Variants in ADARB2 observed in about 807,000 individuals in gnomAD.
ADARB2 encodes the protein inactive double-stranded RNA-specific editase B2.
A neutral mutation model predicts 62.2 loss-of-function variants in ADARB2; 25 were observed. The observed-to-expected ratio is 0.40, with a 90% CI of 0.29 to 0.56. ADARB2 has a LOEUF of 0.56. Among genes scored for constraint, ADARB2 ranks in the 20% least tolerant of loss-of-function variants. The pLI is 0.43. For missense variants in ADARB2, 1,071 were observed against 1,077.4 expected (o/e 0.99, Z 0.08); for synonymous variants, 572 against 500.8 (o/e 1.14, Z -1.90).
intron 1 of ADARB2, among the ~76,000 whole-genome samples, chr10:1,639,217 G>A (rs1833949864): frequency 6.6e-6 from 1 of 152,186 alleles, no homozygotes; most frequent in Admixed American, 6.5e-5. Context: ...CATCCAGGAA[G>A]CTGACCGCAT....
At chr10:1,397,838 A>G (rs1468853618) in intron 1 of ADARB2, among the ~76,000 whole-genome samples, 27 of 59,820 alleles carry the variant, frequency 4.5e-4, no homozygotes, top group African/African-American at 1.4e-3. Context: ...CTGGGTCACC[A>G]TCAGCCTCTC....
chr10:1,421,292 G>C (rs1182838190), intron 1 of ADARB2, among the ~76,000 whole-genome samples: 2 of 151,814 alleles, frequency 1.3e-5, no homozygotes, highest in Non-Finnish European at 2.9e-5. Context: ...TGGCTGGTCA[G>C]GATCTGCAGG....
intron 1 of ADARB2, among the ~76,000 whole-genome samples, chr10:1,731,924 T>A (rs1306477963): frequency 6.6e-6 from 1 of 152,246 alleles, no homozygotes; most frequent in African/African-American, 2.4e-5. Context: ...AAGTCTTGCT[T>A]ACAATGTGGA....
At chr10:1,727,942 G>A (rs961954335) in intron 1 of ADARB2, among the ~76,000 whole-genome samples, 1 of 152,190 alleles carries the variant, frequency 6.6e-6, no homozygotes, top group Non-Finnish European at 1.5e-5. Flanking sequence ...CACATATAAT[G>A]TTTAAGGCAA....
chr10:1,522,383 T>C (rs139238563), intron 1 of ADARB2, among the ~76,000 whole-genome samples: 119 of 152,056 alleles, frequency 7.8e-4, no homozygotes, highest in African/African-American at 2.7e-3. Context: ...GGCAGGAAAA[T>C]TCGCTGTGGG....
intron 1 of ADARB2, among the ~76,000 whole-genome samples, chr10:1,702,789 G>T (rs1834839265): frequency 1.3e-5 from 2 of 152,196 alleles, no homozygotes; most frequent in South Asian, 4.1e-4. Context: ...ATCTCAGACT[G>T]GCCCTCCTTT....
At position 1,242,277 on chromosome 10, in the gene ADARB2, C is replaced by G; in HGVS notation, c.1215G>C (p.Gln405His). The G allele has an allele frequency of 6.4e-7, 1 of 1,567,668 alleles. No homozygotes were observed. Among genetic ancestry groups the G allele is most frequent in the Non-Finnish European group, 8.6e-7 (1 of 1,158,264 alleles). The change falls in exon 5 of 10, where the codon CAG (glutamine) becomes CAC (histidine). Residue 405 changes from glutamine (Q) to histidine (H), a missense_variant. Transcript: ENST00000381312. ...TGGTCCCCGAGGACAGGGCCACGAC[C>G]TGCGCCTGCCGAGCATCCAGGCCTG... ...MTKGLDARQA[Q>H]VVALSSGTKC...
rs373224724 is a variant in ADARB2 at position 1,278,281 on chromosome 10, CTTTTTTTCTTTTTT to C, written c.1078-7226_1078-7213del. The stretch of plus-strand genomic sequence containing the variant: ...CAGGTGTGAGCCACCACACCCGGTC[CTTTTTTTCTTTTTT>C]TTTTTTTAAGTTTCAACTTATATTT... On this transcript the variant is annotated intron_variant, in intron 3 of 9. Coordinates refer to ENST00000381312, the MANE Select transcript of ADARB2 (RefSeq NM_018702.4). 2.6e-3 allele frequency among the ~76,000 whole-genome samples: 383 copies of C among 148,006 alleles called. 2 individuals carry two copies. The highest frequency in any genetic ancestry group is 9.6e-3 in the African/African-American group (366 of 38,234).
intron 1 of ADARB2, among the ~76,000 whole-genome samples, chr10:1,392,967 A>T (rs1030077820): frequency 1.3e-5 from 2 of 152,006 alleles, no homozygotes; most frequent in African/African-American, 4.8e-5. Context: ...AAAACATACA[A>T]CTCCTAATTT....
At chr10:1,362,826 G>A (rs1348968446) in intron 3 of ADARB2, among the ~76,000 whole-genome samples, 1 of 152,160 alleles carries the variant, frequency 6.6e-6, no homozygotes, top group African/African-American at 2.4e-5. Context: ...CCGGGCAGCC[G>A]CATTGTCACC....
chr10:1,452,593 A>G (rs112394440), intron 1 of ADARB2, among the ~76,000 whole-genome samples: 23,959 of 138,890 alleles, frequency 0.17, 2,304 homozygotes, highest in East Asian at 0.41. Flanking sequence ...GAGCTGAACA[A>G]TGAGAACTCA....
intron 3 of ADARB2, among the ~76,000 whole-genome samples, chr10:1,309,901 C>T (rs964435675): frequency 2.6e-5 from 4 of 152,250 alleles, no homozygotes; most frequent in South Asian, 2.1e-4. Context: ...GCTGTGTGGA[C>T]TGCCACCTGC....
At chr10:1,504,899 T>A (rs1384950161) in intron 1 of ADARB2, among the ~76,000 whole-genome samples, 3 of 152,112 alleles carry the variant, frequency 2.0e-5, no homozygotes, top group Non-Finnish European at 4.4e-5. Flanking sequence ...GTTCTAGGAA[T>A]GCAAACACAC....
intron 1 of ADARB2, among the ~76,000 whole-genome samples, chr10:1,451,422 A>G (rs1233051553): frequency 6.6e-6 from 1 of 152,218 alleles, no homozygotes; most frequent in Non-Finnish European, 1.5e-5. Context: ...TGAGGCTCAG[A>G]GTCTGAGGCA....
At chr10:1,381,764 C>T (rs1832485309) in intron 1 of ADARB2, among the ~76,000 whole-genome samples, 1 of 152,206 alleles carries the variant, frequency 6.6e-6, no homozygotes. Flanking sequence ...TGCATGGTCT[C>T]ACTCACACGT....
intron 1 of ADARB2, among the ~76,000 whole-genome samples, chr10:1,461,403 AG>A (rs1831172976): frequency 6.6e-6 from 1 of 152,216 alleles, no homozygotes; most frequent in Non-Finnish European, 1.5e-5. Context: ...TGAGGAAATG[AG>A]AATCTGACTC....
intron 1 of ADARB2, among the ~76,000 whole-genome samples, chr10:1,619,981 T>C (rs1397208970): frequency 1.3e-5 from 2 of 151,480 alleles, no homozygotes; most frequent in African/African-American, 4.9e-5. Context: ...ACAAGAAAAA[T>C]AAGAAAAAAA....
chr10:1,658,893 C>T (rs371151093), intron 1 of ADARB2, among the ~76,000 whole-genome samples: 10 of 152,230 alleles, frequency 6.6e-5, no homozygotes, highest in African/African-American at 2.2e-4. Context: ...TTCCACTTCT[C>T]TGTCCAAGTG....
intron 1 of ADARB2, among the ~76,000 whole-genome samples, chr10:1,592,316 CT>C (rs199651146): frequency 6.5e-5 from 6 of 92,302 alleles, no homozygotes; most frequent in African/African-American, 1.4e-4. Flanking sequence ...TGTCACCCAG[CT>C]TCCCTCGCCC....
Sources: gnomAD v4.1 joint callset for allele counts (sites outside exome capture counted in the v4.1 genomes callset) on GRCh38, gnomAD v4.1.1 for gene constraint, MANE v1.5 for transcripts, NCBI Gene and HGNC (gene_info 2026-07-23, HGNC 2026-07-21) for gene names.